The following CCDC136 variants were observed in gnomAD, a reference collection of about 807,000 sequenced individuals.
The protein encoded by CCDC136 is coiled-coil domain-containing protein 136.
A neutral mutation model predicts 141.2 loss-of-function variants in CCDC136; 100 were observed. The ratio of observed to expected loss-of-function variants is 0.71; its 90% CI spans 0.60 to 0.84. The LOEUF is 0.84. Ranked by LOEUF, CCDC136 falls within the 40% of genes least tolerant of loss-of-function variation. The pLI, the probability that CCDC136 is intolerant of heterozygous loss-of-function variation, is 0.00. For missense variants in CCDC136, 1,206 were observed against 1,379.4 expected (o/e 0.87, Z 1.99); for synonymous variants, 474 against 531.9 (o/e 0.89, Z 1.50).
chr7:128,816,580 T>G (rs1407601046), intron 16 of CCDC136, among the ~76,000 whole-genome samples: 1 of 152,130 alleles, frequency 6.6e-6, no homozygotes, highest in Non-Finnish European at 1.5e-5. Flanking sequence ...GCTAGATCAT[T>G]GAGAGGTTGG....
chr7:128,810,340 A>G lies in CCDC136; in HGVS notation c.2002A>G (p.Lys668Glu). ...GAATCCCGATGATTCCAAATTGGCTAAGTCCTCCAAATGTAATCGAAACAA... is the reference window on the plus strand; with the variant it reads ...GAATCCCGATGATTCCAAATTGGCTGAGTCCTCCAAATGTAATCGAAACAA... ...LENPDDSKLA[K>E]SSKCNRNKQS... The change falls in exon 12 of 18, where the codon AAG becomes GAG. Residue 668 changes from lysine (K) to glutamate (E), a missense_variant. Physicochemically the swap from Lys to Glu is moderately conservative, Grantham distance 56. Transcript: ENST00000297788. 1 of 1,613,688 alleles carries G rather than the reference A, an allele frequency of 6.2e-7. No homozygotes were observed. The highest frequency in any genetic ancestry group is 8.5e-7 in the Non-Finnish European group (1 of 1,179,652).
chr7:128,792,448 T>C, intron 1 of CCDC136, 21 bp downstream of exon 1: 3 of 1,585,436 alleles, frequency 1.9e-6, no homozygotes, highest in Non-Finnish European at 2.6e-6. Flanking sequence ...CCAAAAGGCT[T>C]CTTTCTTTCC....
rs1298173689 is a variant in CCDC136 at position 128,794,589 on chromosome 7, C to T, written c.258C>T (p.Ser86=). 4.5e-6 allele frequency: 7 copies of T among 1,553,244 alleles called. No individual in the cohort carries two copies. The highest frequency in any genetic ancestry group is 3.6e-5 in the South Asian group (3 of 83,776). Residue 86 remains serine, a synonymous_variant, in exon 2 of 18, where the codon TCC becomes TCT. Coordinates refer to ENST00000297788, the MANE Select transcript of CCDC136 (RefSeq NM_022742.5). This position sits in a 1 kb window ranked among gnomAD's most constrained non-coding sequence, Gnocchi z 4.3. ...TGGCAGGGCAGCATGAGGATGACTCCTTGGAGCTACAGGGTGAGTGCCTGG... is the reference window on the plus strand; with the variant it reads ...TGGCAGGGCAGCATGAGGATGACTCTTTGGAGCTACAGGGTGAGTGCCTGG... ...RELAGQHEDD[S]LELQGLLEDE...
chr7:128,816,829 T>C (rs1302241392), intron 16 of CCDC136, among the ~76,000 whole-genome samples: 1 of 152,218 alleles, frequency 6.6e-6, no homozygotes, highest in Non-Finnish European at 1.5e-5. Context: ...AAAAAGCCTC[T>C]TGTGGTGGGA....
chr7:128,814,458 A>C (rs1249250204), intron 14 of CCDC136, among the ~76,000 whole-genome samples, 180 bp from the exon 15 acceptor site: 2 of 152,078 alleles, frequency 1.3e-5, no homozygotes, highest in Non-Finnish European at 2.9e-5. Flanking sequence ...TATTTGTAAA[A>C]CTATTTGAGA....
Position 128,815,636 on chromosome 7 carries a change from A to G in CCDC136, c.3068A>G (p.Tyr1023Cys). The part of the protein sequence containing the change: ...TRKSLEVVLY[Y>C]KASQRKLDGL... ...CAGAGTCTGGAGGTAGTGCTGTACT[A>G]CAAGGCCAGCCAGAGGAAATTAGAT... is the stretch of plus-strand genomic sequence containing the variant. Residue 1023 changes from tyrosine (Y) to cysteine (C), a missense_variant, in exon 16 of 18, where the codon TAC (tyrosine) becomes TGC (cysteine). Physicochemically the swap from Tyr to Cys is radical, Grantham distance 194. Coordinates refer to ENST00000297788, the MANE Select transcript of CCDC136 (RefSeq NM_022742.5). 1 of 1,556,036 alleles carries G rather than the reference A, an allele frequency of 6.4e-7. No homozygotes were observed. Among genetic ancestry groups the G allele is most frequent in the Non-Finnish European group, 8.7e-7 (1 of 1,149,552 alleles).
intron 5 of CCDC136, 105 bp downstream of exon 5, chr7:128,804,866 C>T (rs1026507530): frequency 3.0e-6 from 2 of 676,430 alleles, no homozygotes; most frequent in African/African-American, 1.8e-5. Flanking sequence ...CGTTCCTTTG[C>T]TCCTGGAGAC....
In CCDC136 at chr7:128,812,699, C is replaced by G. The variant is rs774218659; in HGVS notation, c.2542-9C>G. Reference sequence around the variant, plus strand: ...CAGGGTGCTATTGTTGCTCCCCCACCCCCCGCAGCGCTTTGAGGAAATGGT... The same window carrying G: ...CAGGGTGCTATTGTTGCTCCCCCACGCCCCGCAGCGCTTTGAGGAAATGGT... On this transcript the variant is annotated splice_polypyrimidine_tract_variant and intron_variant, in intron 13 of 17. Coordinates refer to ENST00000297788, the MANE Select transcript of CCDC136 (RefSeq NM_022742.5). 1 of 1,607,894 alleles carries G rather than the reference C, an allele frequency of 6.2e-7. No individual in the cohort carries two copies. Among genetic ancestry groups the G allele is most frequent in the East Asian group, 2.2e-5 (1 of 44,766 alleles).
chr7:128,794,343 C>A lies in CCDC136; in HGVS notation c.17-5C>A. 1 of 1,552,110 alleles carries A rather than the reference C, an allele frequency of 6.4e-7. No homozygotes were observed. Among genetic ancestry groups the A allele is most frequent in the South Asian group, 1.2e-5 (1 of 84,032 alleles). ...ACTCCTTGGTGGGATGGCTGTGTCT[C>A]CTAGGGGAGGTGTTACTCCCAGCTC... On this transcript the variant is annotated splice_region_variant and splice_polypyrimidine_tract_variant and intron_variant, in intron 1 of 17. Coordinates refer to ENST00000297788, the MANE Select transcript of CCDC136 (RefSeq NM_022742.5). The surrounding 1 kb of genome is among the most constrained non-coding windows in gnomAD (Gnocchi z 4.3).
Position 128,815,663 on chromosome 7 carries a change from G to A in CCDC136, c.3095G>A (p.Gly1032Glu). ...AAGGCCAGCCAGAGGAAATTAGATG[G>A]ACTAGCAAAAGAGGAGGAAAAGAAA... ...YYKASQRKLDGLAKEEEKKEE... is the reference protein window; with the variant it reads ...YYKASQRKLDELAKEEEKKEE... The change falls in exon 16 of 18, where the codon GGA (glycine) becomes GAA (glutamate). Residue 1032 changes from glycine (G) to glutamate (E), a missense_variant. Transcript: ENST00000297788. 1 of 1,555,942 alleles carries A rather than the reference G, an allele frequency of 6.4e-7. No homozygotes were observed. The highest frequency in any genetic ancestry group is 8.7e-7 in the Non-Finnish European group (1 of 1,149,452).
At chr7:128,809,006 T>C (rs933152349) in intron 10 of CCDC136, 2 of 978,462 alleles carry the variant, frequency 2.0e-6, no homozygotes, top group African/African-American at 3.5e-5. Flanking sequence ...ATGGGAAAAA[T>C]TAGGGTGAAA....
chr7:128,797,361 C>T (rs546678623), intron 3 of CCDC136, among the ~76,000 whole-genome samples: 10 of 152,196 alleles, frequency 6.6e-5, no homozygotes, highest in Admixed American at 3.9e-4. Flanking sequence ...GCATTAGAAT[C>T]CATGGGAAAT....
Position 128,821,746 on chromosome 7 carries a change from T to G in CCDC136, c.*6-53T>G, listed in dbSNP as rs1807462683. 1.6e-6 allele frequency: 2 copies of G among 1,284,030 alleles called. No homozygotes were observed. Among genetic ancestry groups the G allele is most frequent in the Non-Finnish European group, 1.0e-6 (1 of 983,476 alleles). The allele number at this position is 1,284,030 out of a possible 1,614,324, so 79.5% of individuals were successfully genotyped here. ...ACCCATAGGCAGGTGACTTCTGGCT[T>G]AGGGCAGGGTTCAGGAGGCTGGGCA... On this transcript the variant is annotated intron_variant, in intron 17 of 17. Transcript: ENST00000297788. The surrounding 1 kb of genome is among the most constrained non-coding windows in gnomAD (Gnocchi z 5.1).
chr7:128,814,953 AAGG>A (rs1379008057), intron 15 of CCDC136, 34 bp downstream of exon 15: 16 of 1,508,334 alleles, frequency 1.1e-5, no homozygotes, highest in Middle Eastern at 1.8e-4. Context: ...GATAAGCAGA[AAGG>A]AGGAGGAGAT....
chr7:128,818,024 G>T (rs1182704282), intron 17 of CCDC136, 160 bp downstream of exon 17: 5 of 617,512 alleles, frequency 8.1e-6, no homozygotes, highest in African/African-American at 1.8e-5. Context: ...TTTTCCTTGG[G>T]CTACTGCAAA....
At chr7:128,814,123 G>C (rs1362340230) in intron 14 of CCDC136, among the ~76,000 whole-genome samples, 1 of 150,188 alleles carries the variant, frequency 6.7e-6, no homozygotes, top group East Asian at 2.0e-4. Context: ...GTCTTGCTCT[G>C]TCACCAGGCT....
chr7:128,810,657 G>C lies in CCDC136; in HGVS notation c.2028+291G>C, dbSNP rs150329265. ...CAGGGCAGAGCTGGGATGACCAGAA[G>C]TCTGTCATCAGATCATTCGACTCAT... On this transcript the variant is annotated intron_variant, in intron 12 of 17. Coordinates refer to ENST00000297788, the MANE Select transcript of CCDC136 (RefSeq NM_022742.5). 1.9e-3 allele frequency among the ~76,000 whole-genome samples: 283 copies of C among 152,376 alleles called. 3 individuals carry two copies. Among genetic ancestry groups the C allele is most frequent in the Non-Finnish European group, 1.0e-3 (70 of 68,038 alleles).
intron 4 of CCDC136, among the ~76,000 whole-genome samples, chr7:128,804,374 A>G (rs1320767888): frequency 6.6e-6 from 1 of 152,234 alleles, no homozygotes; most frequent in Non-Finnish European, 1.5e-5. Flanking sequence ...CTAAAAGTTC[A>G]AGAGTCTGCT....
Position 128,815,777 on chromosome 7 carries a change from A to T in CCDC136, c.3209A>T (p.Glu1070Val). The change falls in exon 16 of 18, where the codon GAG (glutamate) becomes GTG (valine). Residue 1070 changes from glutamate (E) to valine (V), a missense_variant. Physicochemically the swap from Glu to Val is moderately radical, Grantham distance 121. Transcript: ENST00000297788. ...DELVAEPADP[E>V]EAKSTEDQEE... is the part of the protein sequence containing the mutation. Reference sequence around the variant, plus strand: ...CTAGTTGCTGAGCCAGCAGATCCTGAGGAAGCTAAATCCACAGAAGATCAG... The same window carrying T: ...CTAGTTGCTGAGCCAGCAGATCCTGTGGAAGCTAAATCCACAGAAGATCAG... 6.3e-7 allele frequency: 1 copy of T among 1,580,680 alleles called. No individual in the cohort carries two copies. Among genetic ancestry groups the T allele is most frequent in the Non-Finnish European group, 8.6e-7 (1 of 1,163,700 alleles).
Sources: gnomAD v4.1 joint callset for allele counts (sites outside exome capture counted in the v4.1 genomes callset) on GRCh38, gnomAD v4.1.1 for gene constraint, Gnocchi (gnomAD v3.1) non-coding constraint, MANE v1.5 for transcripts, NCBI Gene and HGNC (gene_info 2026-07-23, HGNC 2026-07-21) for gene names.